IQCK: variants seen among roughly 807,000 people sequenced by gnomAD.
IQCK encodes IQ domain-containing protein K.
IQCK carries 29 observed loss-of-function variants against 28.1 expected under a neutral mutation model. The observed-to-expected ratio is 1.03, with a 90% confidence interval of 0.77 to 1.41. IQCK has a LOEUF of 1.41. Ranked by LOEUF, IQCK falls within the 40% of genes most tolerant of loss-of-function variation. The pLI is 0.00. For synonymous variants in IQCK, 113 were observed against 115.1 expected (o/e 0.98, Z 0.12); for missense variants, 359 against 314.7 (o/e 1.14, Z -1.07).
At chr16:19,819,762 C>T (rs566837026) in intron 7 of IQCK, 2 of 152,132 alleles carry the variant, frequency 1.3e-5, no homozygotes, top group African/African-American at 4.8e-5. Flanking sequence ...GCCTGTAATC[C>T]CAGCACTTTG....
chr16:19,853,482 T>C (rs1039468427), intron 9 of IQCK, among the ~76,000 whole-genome samples: 1 of 152,184 alleles, frequency 6.6e-6, no homozygotes, highest in African/African-American at 2.4e-5. Context: ...TTGGGTAAAA[T>C]ACCAGGACAA....
chr16:19,740,936 C>T (rs529973521), intron 4 of IQCK, among the ~76,000 whole-genome samples: 2 of 151,058 alleles, frequency 1.3e-5, no homozygotes, highest in African/African-American at 4.9e-5. Context: ...CCACTGCACT[C>T]CAGCCTGGGC....
chr16:19,840,334 C>T lies in IQCK; in HGVS notation c.802+13197C>T, dbSNP rs536085919. On this transcript the variant is annotated intron_variant, in intron 9 of 9. Transcript: ENST00000320394. ...TCGCACCATTGCACTCCAGCCTGGG[C>T]GACAGAGCGAGACTCCGTTTCAAAA... Among the ~76,000 whole-genome samples, 10 of 151,780 alleles carry T rather than the reference C, an allele frequency of 6.6e-5. No homozygotes were observed. In the East Asian group the frequency reaches 1.4e-3, roughly 21 times the overall value.
At position 19,737,119 on chromosome 16, in the gene IQCK, G is replaced by A. The variant is rs138187815; in HGVS notation, c.474+1669G>A. Among the ~76,000 whole-genome samples, 613 of 151,972 alleles carry A rather than the reference G, an allele frequency of 4.0e-3. 3 individuals carry two copies. Among genetic ancestry groups the A allele is most frequent in the African/African-American group, 0.014 (563 of 41,434 alleles). ...TGAGGCTGCAGTGTGCCATGATCATGCCACTGCACCCCAGCCTGGAAACAG... is the reference window on the plus strand; with the variant it reads ...TGAGGCTGCAGTGTGCCATGATCATACCACTGCACCCCAGCCTGGAAACAG... On this transcript the variant is annotated intron_variant, in intron 4 of 7. Transcript: ENST00000564186.
intron 4 of IQCK, among the ~76,000 whole-genome samples, chr16:19,762,375 A>G (rs1002657083): frequency 3.9e-5 from 6 of 152,204 alleles, no homozygotes; most frequent in African/African-American, 9.6e-5. Flanking sequence ...GGGTAAAGCA[A>G]TATATACAGT....
chr16:19,738,492 GAGTCAA>G (rs2054787080), intron 4 of IQCK, among the ~76,000 whole-genome samples: 1 of 152,132 alleles, frequency 6.6e-6, no homozygotes, highest in South Asian at 2.1e-4. Flanking sequence ...AGCAACACTT[GAGTCAA>G]AGTTACCTGA....
intron 6 of IQCK, among the ~76,000 whole-genome samples, chr16:19,773,798 A>G (rs949213266): frequency 3.3e-5 from 5 of 152,222 alleles, no homozygotes; most frequent in Admixed American, 2.0e-4. Flanking sequence ...AAGCAAAAAA[A>G]CCAACATAAT....
intron 6 of IQCK, among the ~76,000 whole-genome samples, chr16:19,780,491 C>A (rs1362988063): frequency 6.6e-6 from 1 of 152,140 alleles, no homozygotes; most frequent in East Asian, 1.9e-4. Flanking sequence ...ATTTTTAAAT[C>A]CTTAGTCTTC....
chr16:19,763,982 T>C, intron 5 of IQCK, 53 bp from the exon 6 acceptor site: 1 of 1,602,014 alleles, frequency 6.2e-7, no homozygotes, highest in South Asian at 1.1e-5. Flanking sequence ...ACAACTGACT[T>C]GAATTCTTGC....
chr16:19,740,684 T>C (rs891516070), intron 4 of IQCK, among the ~76,000 whole-genome samples: 1 of 152,118 alleles, frequency 6.6e-6, no homozygotes, highest in Admixed American at 6.6e-5. Flanking sequence ...ATGTAAAGAA[T>C]ATCTGGCCGG....
At position 19,763,838 on chromosome 16, in the gene IQCK, C is replaced by G. The variant is rs2055187634; in HGVS notation, c.475-10C>G. 1 of 1,603,024 alleles carries G rather than the reference C, an allele frequency of 6.2e-7. No homozygotes were observed. On this transcript the variant is annotated splice_polypyrimidine_tract_variant and intron_variant, in intron 4 of 7. Coordinates refer to ENST00000564186, the Ensembl canonical transcript of IQCK. ...GTCAGTTGTAATTTAATTATCTCTT[C>G]TCTCTTCAGAGGAAAAGAACCAAAT...
chr16:19,762,409 T>A (rs1232050818), intron 4 of IQCK, among the ~76,000 whole-genome samples: 1 of 152,170 alleles, frequency 6.6e-6, no homozygotes, highest in East Asian at 1.9e-4. Context: ...ACAGTCTAAA[T>A]TTAAATAACA....
chr16:19,854,870 CAT>C (rs1213357851), intron 9 of IQCK, among the ~76,000 whole-genome samples: 1 of 152,084 alleles, frequency 6.6e-6, no homozygotes, highest in East Asian at 1.9e-4. Flanking sequence ...TCTAGAAGCA[CAT>C]AGGGTTTTCA....
rs200284240 is a variant in IQCK at position 19,807,220 on chromosome 16, G to A, written c.690+18298G>A. Among the ~76,000 whole-genome samples, 8 of 152,306 alleles carry A rather than the reference G, an allele frequency of 5.3e-5. No homozygotes were observed. The East Asian group carries it at 1.5e-3, about 29-fold the overall frequency. On this transcript the variant is annotated intron_variant, in intron 7 of 7. Transcript: ENST00000564186. ...AGCCATTGTGGAAGTGGATCCTCCAGCCCAGTCAAGCCTTCAGATGATTGC... is the reference window on the plus strand; with the variant it reads ...AGCCATTGTGGAAGTGGATCCTCCAACCCAGTCAAGCCTTCAGATGATTGC...
At chr16:19,775,243 A>G (rs551793926) in intron 6 of IQCK, among the ~76,000 whole-genome samples, 278 of 151,756 alleles carry the variant, frequency 1.8e-3, no homozygotes, top group African/African-American at 6.1e-3. Context: ...AAAAAAAAAA[A>G]AAGAAGACTT....
intron 6 of IQCK, among the ~76,000 whole-genome samples, chr16:19,768,671 A>G (rs981877606): frequency 3.9e-5 from 6 of 152,240 alleles, no homozygotes; most frequent in African/African-American, 1.4e-4. Flanking sequence ...GCTTGAACCC[A>G]GGAGGCAGAG....
intron 7 of IQCK, among the ~76,000 whole-genome samples, chr16:19,804,319 G>A (rs893382115): frequency 6.6e-5 from 10 of 151,722 alleles, no homozygotes; most frequent in Admixed American, 3.9e-4. Context: ...ACTCCAGCCT[G>A]GGTGACAGAG....
chr16:19,734,980 C>T (rs928004001), intron 3 of IQCK, among the ~76,000 whole-genome samples: 1 of 151,976 alleles, frequency 6.6e-6, no homozygotes, highest in Non-Finnish European at 1.5e-5. Flanking sequence ...ATTACTGTGA[C>T]CCTAAGCCCT....
intron 4 of IQCK, among the ~76,000 whole-genome samples, chr16:19,743,122 G>A (rs1351680914): frequency 1.3e-5 from 2 of 152,206 alleles, no homozygotes; most frequent in Non-Finnish European, 2.9e-5. Context: ...AGTGAGCTGA[G>A]ATCACGCCAC....
Sources: allele counts gnomAD v4.1 joint callset (sites outside exome capture counted in the v4.1 genomes callset), GRCh38; gene constraint gnomAD v4.1.1; transcripts MANE v1.5; gene names NCBI Gene and HGNC (gene_info 2026-07-23, HGNC 2026-07-21).